ESR2: variants seen among roughly 807,000 people sequenced by gnomAD.
ESR2 encodes the protein estrogen receptor beta.
ESR2 carries 36 observed loss-of-function variants against 49.6 expected under a neutral mutation model. The observed-to-expected ratio is 0.73, with a 90% confidence interval of 0.56 to 0.96. ESR2 has a LOEUF of 0.96. Among genes scored for constraint, ESR2 ranks in the 40% least tolerant of loss-of-function variants. ESR2 has a pLI of 0.00. For synonymous variants in ESR2, 320 were observed against 266.1 expected, an observed-to-expected ratio of 1.20 and a Z score of -1.97; for missense variants, 714 against 693.0, an observed-to-expected ratio of 1.03 and a Z score of -0.34.
intron 3 of ESR2, among the ~76,000 whole-genome samples, chr14:64,276,742 G>T (rs2076565402): frequency 6.6e-6 from 1 of 152,152 alleles, no homozygotes; most frequent in Non-Finnish European, 1.5e-5. Context: ...CTGATCATAA[G>T]ATAGAATATT....
intron 1 of ESR2, among the ~76,000 whole-genome samples, chr14:64,288,551 T>C (rs1199448723): frequency 1.3e-5 from 2 of 151,990 alleles, no homozygotes; most frequent in East Asian, 2.0e-4. Flanking sequence ...GGTTTCACCA[T>C]GTTAGCCAGG....
intron 7 of ESR2, among the ~76,000 whole-genome samples, chr14:64,242,608 CA>C (rs879753951): frequency 1.9e-3 from 273 of 140,924 alleles, no homozygotes; most frequent in East Asian, 0.016. Context: ...TTCTAGTTAC[CA>C]AAAAAAAAAA....
chr14:64,282,787 C>T lies in ESR2; in HGVS notation c.199G>A (p.Gly67Ser), dbSNP rs376782264. 1.4e-4 allele frequency: 220 copies of T among 1,614,240 alleles called. 4 individuals carry two copies. In the East Asian group the frequency reaches 1.9e-3, roughly 14 times the overall value. ...SIPSNVTNLE[G>S]GPGRQTTSPN... ...CTTGTGGTCTGCCGACCAGGCCCAC[C>T]TTCCAAGTTAGTGACATTGCTGGGA... Residue 67 changes from glycine to serine, a missense_variant, in exon 2 of 9, where the codon GGT becomes AGT. Physicochemically the swap from Gly to Ser is moderately conservative, Grantham distance 56. Transcript: ENST00000341099.
chr14:64,254,463 T>C (rs1279769887), intron 6 of ESR2, among the ~76,000 whole-genome samples: 1 of 151,938 alleles, frequency 6.6e-6, no homozygotes, highest in Non-Finnish European at 1.5e-5. Context: ...CTAGAGACTG[T>C]AGGCTGGGCG....
rs2098724746 is a variant in ESR2 at position 64,228,886 on chromosome 14, A to T, written c.*4251T>A. Among the ~76,000 whole-genome samples, 1 of 152,242 alleles carries T rather than the reference A, an allele frequency of 6.6e-6. No homozygotes were observed. Among genetic ancestry groups the T allele is most frequent in the African/African-American group, 2.4e-5 (1 of 41,462 alleles). Reference sequence around the variant, plus strand: ...CATCACAGACAATGCACATCTTAAGAGCTGCCACTGGAGCCAAAATTCCAG... The same window carrying T: ...CATCACAGACAATGCACATCTTAAGTGCTGCCACTGGAGCCAAAATTCCAG... On this transcript the variant is annotated 3_prime_UTR_variant, in exon 9 of 9. Transcript: ENST00000341099.
At chr14:64,308,332 C>T (rs903801627) in intron 1 of ESR2, among the ~76,000 whole-genome samples, 2 of 152,104 alleles carry the variant, frequency 1.3e-5, no homozygotes, top group Non-Finnish European at 1.5e-5. Flanking sequence ...CTAATATAGG[C>T]ATTTAGTGCT....
chr14:64,328,028 G>A (rs1437028164), intron 1 of ESR2, among the ~76,000 whole-genome samples: 1 of 127,722 alleles, frequency 7.8e-6, no homozygotes, highest in African/African-American at 3.1e-5. Context: ...CTAACATGGT[G>A]AAACCTGTCT....
intron 7 of ESR2, among the ~76,000 whole-genome samples, chr14:64,239,642 A>G (rs982412085): frequency 3.3e-5 from 5 of 152,142 alleles, no homozygotes; most frequent in Admixed American, 3.3e-4. Flanking sequence ...TGGGTAGGCT[A>G]TTTTATTAAC....
At chr14:64,253,650 C>T (rs2076039267) in intron 6 of ESR2, among the ~76,000 whole-genome samples, 1 of 151,246 alleles carries the variant, frequency 6.6e-6, no homozygotes, top group South Asian at 2.1e-4. Context: ...GCTCGCAGCA[C>T]ACACCTGGGT....
At chr14:64,297,214 T>C, upstream of ESR2, among the ~76,000 whole-genome samples, 1 of 152,212 alleles carries the variant, frequency 6.6e-6, no homozygotes, top group East Asian at 1.9e-4. Flanking sequence ...GGATAAAGCA[T>C]TGAATTGTTA....
chr14:64,249,443 C>A, intron 7 of ESR2, 103 bp downstream of exon 7: 1 of 1,340,414 alleles, frequency 7.5e-7, no homozygotes, highest in Non-Finnish European at 1.0e-6. Flanking sequence ...CCATTTTACC[C>A]TTTCAAATAA....
chr14:64,245,919 A>G (rs2075846517), intron 7 of ESR2, among the ~76,000 whole-genome samples: 1 of 152,256 alleles, frequency 6.6e-6, no homozygotes, highest in Admixed American at 6.5e-5. Flanking sequence ...TCCATTGCCA[A>G]GATGGGAAGG....
At chr14:64,256,420 G>A (rs570756600) in intron 6 of ESR2, among the ~76,000 whole-genome samples, 1 of 152,288 alleles carries the variant, frequency 6.6e-6, no homozygotes, top group East Asian at 1.9e-4. Context: ...ATGCTATATA[G>A]TACATGCATT....
chr14:64,274,836 T>C (rs1198235150), intron 3 of ESR2, among the ~76,000 whole-genome samples: 1 of 152,192 alleles, frequency 6.6e-6, no homozygotes, highest in Non-Finnish European at 1.5e-5. Context: ...ATTTTTAATT[T>C]CCTTCTTAAT....
intron 1 of ESR2, among the ~76,000 whole-genome samples, chr14:64,311,975 T>A (rs2077193111): frequency 6.6e-6 from 1 of 152,174 alleles, no homozygotes; most frequent in Non-Finnish European, 1.5e-5. Context: ...TCTCTTGAGT[T>A]TTCTAAAATA....
intron 1 of ESR2, among the ~76,000 whole-genome samples, chr14:64,333,823 A>T (rs1218585224): frequency 6.6e-6 from 1 of 152,156 alleles, no homozygotes; most frequent in Non-Finnish European, 1.5e-5. Flanking sequence ...TTGGGTGGGG[A>T]CACAGACAAA....
chr14:64,310,726 T>A (rs921499104), intron 1 of ESR2, among the ~76,000 whole-genome samples: 1 of 152,102 alleles, frequency 6.6e-6, no homozygotes, highest in Non-Finnish European at 1.5e-5. Context: ...CGCCTCGGCC[T>A]CCCAAAGTGC....
chr14:64,294,905 G>C (rs1399944538), upstream of ESR2, among the ~76,000 whole-genome samples: 1 of 152,204 alleles, frequency 6.6e-6, no homozygotes, highest in Admixed American at 6.5e-5. Flanking sequence ...TTAGATCAAA[G>C]ATCCCAGGTA....
intron 1 of ESR2, among the ~76,000 whole-genome samples, chr14:64,283,868 C>T (rs1262022486): frequency 2.0e-5 from 3 of 150,948 alleles, no homozygotes; most frequent in Non-Finnish European, 4.4e-5. Context: ...GCTGAAGAGA[C>T]TGACCAGTGT....
Sources: allele counts gnomAD v4.1 joint callset (sites outside exome capture counted in the v4.1 genomes callset), GRCh38; gene constraint gnomAD v4.1.1; transcripts MANE v1.5; gene names NCBI Gene and HGNC (gene_info 2026-07-23, HGNC 2026-07-21).